The following CLEC16A variants were observed in gnomAD, a reference collection of about 807,000 sequenced individuals.
The protein encoded by CLEC16A is C-type lectin domain containing 16A.
CLEC16A carries 51 observed loss-of-function variants against 109.5 expected under a neutral mutation model. That is an observed-to-expected ratio of 0.47 (90% confidence interval 0.37 to 0.59). The LOEUF is 0.59. CLEC16A is among the 20% of genes least tolerant of loss of function. CLEC16A has a pLI of 0.00. For missense variants in CLEC16A, 1,339 were observed against 1,394.0 expected (o/e 0.96, Z 0.63); for synonymous variants, 673 against 564.2 (o/e 1.19, Z -2.73).
intron 11 of CLEC16A, among the ~76,000 whole-genome samples, chr16:11,005,315 A>G (rs1476215657): frequency 3.3e-5 from 5 of 152,192 alleles, no homozygotes; most frequent in African/African-American, 1.2e-4. Context: ...AGCTGTGCCC[A>G]GCTGCCCTGG....
rs989390025 is a variant in CLEC16A, at chr16:11,090,805, C to T, written c.2116+29783C>T. Among the ~76,000 whole-genome samples the T allele has an allele frequency of 4.3e-4, 64 of 148,504 alleles. 2 individuals are homozygous for T. The highest frequency in any genetic ancestry group is 4.4e-5 in the Non-Finnish European group (3 of 67,422). ...GATTACAGGCATGCGCTACCATACCCAGCTAATTTTTTTTTTTTTTTTTTT... is the reference window on the plus strand; with the variant it reads ...GATTACAGGCATGCGCTACCATACCTAGCTAATTTTTTTTTTTTTTTTTTT... On this transcript the variant is annotated intron_variant, in intron 19 of 23. Transcript: ENST00000409790.
intron 22 of CLEC16A, among the ~76,000 whole-genome samples, chr16:11,131,222 C>A (rs562851150): frequency 1.2e-4 from 19 of 152,268 alleles, no homozygotes; most frequent in African/African-American, 4.6e-4. Context: ...GCTTTGAGTG[C>A]CATGTTGCTG....
chr16:11,061,522 G>C (rs552353491), intron 19 of CLEC16A, among the ~76,000 whole-genome samples: 51 of 152,226 alleles, frequency 3.4e-4, no homozygotes, highest in Non-Finnish European at 5.7e-4. Context: ...CCGCTGTGTA[G>C]TGCCTCATTG....
In CLEC16A at chr16:10,977,258, G is replaced by A; in HGVS notation, c.762G>A (p.Val254=). ...HRNRGKLSDL[V]AEHLDHLHYL... ...ATCGGGGTAAACTGAGTGATCTGGT[G>A]GCAGAGCACCTAGACCACCTGCACT... is the stretch of plus-strand genomic sequence containing the variant. Residue 254 remains valine (V), a synonymous_variant, in exon 8 of 24, where the codon GTG becomes GTA. Coordinates refer to ENST00000409790, the MANE Select transcript of CLEC16A (RefSeq NM_015226.3). The A allele has an allele frequency of 1.2e-6, 2 of 1,613,954 alleles. No individual in the cohort carries two copies. The highest frequency in any genetic ancestry group is 1.7e-6 in the Non-Finnish European group (2 of 1,179,882).
At chr16:10,983,219 T>C (rs2043427645) in intron 10 of CLEC16A, among the ~76,000 whole-genome samples, 1 of 152,192 alleles carries the variant, frequency 6.6e-6, no homozygotes, top group Admixed American at 6.5e-5. Flanking sequence ...AAACATGGAA[T>C]TGTACCACTC....
At chr16:11,001,217 C>G (rs559593442) in intron 10 of CLEC16A, among the ~76,000 whole-genome samples, 2 of 152,184 alleles carry the variant, frequency 1.3e-5, no homozygotes, top group African/African-American at 4.8e-5. Flanking sequence ...TCTGAAGTAG[C>G]TGGGACTACA....
chr16:11,041,402 A>C (rs544495363), intron 14 of CLEC16A: 57 of 152,330 alleles, frequency 3.7e-4, no homozygotes, highest in African/African-American at 1.3e-3. Context: ...TTAGCTTATA[A>C]AGACTGCTGA....
intron 22 of CLEC16A, among the ~76,000 whole-genome samples, chr16:11,163,720 A>G (rs1032197466): frequency 2.0e-5 from 3 of 152,156 alleles, no homozygotes; most frequent in Admixed American, 6.5e-5. Context: ...GTCTTCTTCA[A>G]ATGGGCCTGT....
At chr16:11,023,786 A>T (rs1011975640) in intron 12 of CLEC16A, among the ~76,000 whole-genome samples, 5 of 152,172 alleles carry the variant, frequency 3.3e-5, no homozygotes, top group African/African-American at 1.2e-4. Context: ...CCTTCCAGAA[A>T]TTAAATGTGC....
intron 19 of CLEC16A, among the ~76,000 whole-genome samples, chr16:11,083,901 C>A (rs2049870804): frequency 6.6e-6 from 1 of 152,186 alleles, no homozygotes; most frequent in African/African-American, 2.4e-5. Context: ...GTGTGTTCTA[C>A]CCGGAATGGA....
At chr16:11,172,229 C>T (rs1045039622) in intron 23 of CLEC16A, among the ~76,000 whole-genome samples, 2 of 152,146 alleles carry the variant, frequency 1.3e-5, no homozygotes. Context: ...CATACATGCA[C>T]ACACTCATAC....
intron 19 of CLEC16A, among the ~76,000 whole-genome samples, chr16:11,117,667 C>G (rs937803864): frequency 1.3e-5 from 2 of 152,178 alleles, no homozygotes; most frequent in African/African-American, 4.8e-5. Flanking sequence ...CTCCCACACA[C>G]ACACACTCCT....
intron 13 of CLEC16A, among the ~76,000 whole-genome samples, chr16:11,035,256 T>C (rs2046956914): frequency 6.6e-6 from 1 of 152,178 alleles, no homozygotes; most frequent in South Asian, 2.1e-4. Context: ...TGGGTGATGG[T>C]TGGGCTTTTT....
chr16:11,066,982 A>C (rs573064533), intron 19 of CLEC16A, among the ~76,000 whole-genome samples: 1 of 152,284 alleles, frequency 6.6e-6, no homozygotes, highest in Non-Finnish European at 1.5e-5. Flanking sequence ...CCGAGTAGTC[A>C]TTTTTAAAAA....
intron 23 of CLEC16A, among the ~76,000 whole-genome samples, chr16:11,172,686 C>T (rs1364833788): frequency 1.3e-5 from 2 of 151,944 alleles, no homozygotes; most frequent in Non-Finnish European, 2.9e-5. Context: ...GTCAGGAGTT[C>T]GAGACCAGCC....
chr16:11,036,328 G>T (rs2047016817), intron 13 of CLEC16A, among the ~76,000 whole-genome samples: 1 of 151,574 alleles, frequency 6.6e-6, no homozygotes, highest in Admixed American at 6.6e-5. Context: ...ACCTCTCTGG[G>T]TCTGCTCCAC....
Position 11,120,639 on chromosome 16 carries a change from C to A in CLEC16A, c.2141C>A (p.Thr714Lys). 6.2e-7 allele frequency: 1 copy of A among 1,612,918 alleles called. No homozygotes were observed. Among genetic ancestry groups the A allele is most frequent in the Non-Finnish European group, 8.5e-7 (1 of 1,179,406 alleles). ...DLNNSDLIAC[T>K]VITKDGGMVQ... ...GATAACAGCGACTTGATTGCATGTA[C>A]AGTGATCACCAAGGATGGCGGCATG... Residue 714 changes from threonine (T) to lysine (K), a missense_variant, in exon 20 of 24, where the codon ACA (threonine) becomes AAA (lysine). Around this residue, in one of 3 missense-constraint regions of CLEC16A, gnomAD observed 1,061 missense variants for 1,006.8 expected, o/e 1.05. Coordinates refer to ENST00000409790, the MANE Select transcript of CLEC16A (RefSeq NM_015226.3).
intron 16 of CLEC16A, among the ~76,000 whole-genome samples, chr16:11,046,141 T>A (rs1044968474): frequency 6.6e-6 from 1 of 152,170 alleles, no homozygotes; most frequent in East Asian, 1.9e-4. Context: ...ATAACTGCCC[T>A]AAGTTTATGT....
intron 15 of CLEC16A, 82 bp downstream of exon 15, chr16:11,042,445 A>G: frequency 2.7e-6 from 3 of 1,127,966 alleles, no homozygotes; most frequent in South Asian, 2.8e-5. Context: ...GCATCCAGAT[A>G]GGAGCCCTGG....
Sources: allele counts gnomAD v4.1 joint callset (sites outside exome capture counted in the v4.1 genomes callset), GRCh38; gene constraint gnomAD v4.1.1; regional missense constraint gnomAD v4.1.1; transcripts MANE v1.5; gene names NCBI Gene and HGNC (gene_info 2026-07-23, HGNC 2026-07-21).